The following ZNF253 variants were observed in gnomAD, a reference collection of about 807,000 sequenced individuals.
ZNF253 encodes the protein DNA-binding protein.
ZNF253 carries 8 observed loss-of-function variants against 11.9 expected under a neutral mutation model. The observed-to-expected ratio is 0.67, with a 90% CI of 0.40 to 1.22. ZNF253 has a LOEUF of 1.22. Ranked by LOEUF, ZNF253 falls within the 50% of genes most tolerant of loss-of-function variation. The pLI, the probability that ZNF253 is intolerant of heterozygous loss-of-function variation, is 0.01. For synonymous variants in ZNF253, 194 were observed against 194.9 expected (o/e 1.00, Z 0.04); for missense variants, 485 against 586.9 (o/e 0.83, Z 1.79).
intron 1 of ZNF253, among the ~76,000 whole-genome samples, chr19:19,870,179 C>G (rs1485658518): frequency 6.6e-6 from 1 of 151,774 alleles, no homozygotes; most frequent in Non-Finnish European, 1.5e-5. Context: ...GGTTAATTAC[C>G]TGAGGTCAGG....
intron 3 of ZNF253, among the ~76,000 whole-genome samples, chr19:19,888,076 T>C (rs1013352178): frequency 1.3e-5 from 2 of 152,126 alleles, no homozygotes; most frequent in Admixed American, 6.5e-5. Flanking sequence ...TTTATTTATT[T>C]ATTTTGAGAC....
At position 19,891,735 on chromosome 19, in the gene ZNF253, A is replaced by C. The variant is rs764394710; in HGVS notation, c.488A>C (p.Lys163Thr). The change falls in exon 4 of 4, where the codon AAG becomes ACG. Residue 163 changes from lysine (K) to threonine (T), a missense_variant. Lys to Thr is a moderately conservative substitution (Grantham distance 78, BLOSUM62 -1). Transcript: ENST00000589717. Reference protein sequence around the residue: ...FHKFSNSNTYKTRHTGINLFK... With the variant: ...FHKFSNSNTYTTRHTGINLFK... Reference sequence around the variant, plus strand: ...AAGTTTTCAAATTCAAACACATATAAGACAAGACATACTGGAATAAATCTT... The same window carrying C: ...AAGTTTTCAAATTCAAACACATATACGACAAGACATACTGGAATAAATCTT... The C allele has an allele frequency of 6.2e-7, 1 of 1,614,162 alleles. No homozygotes were observed. Among genetic ancestry groups the C allele is most frequent in the Non-Finnish European group, 8.5e-7 (1 of 1,180,012 alleles).
intron 3 of ZNF253, among the ~76,000 whole-genome samples, chr19:19,887,551 C>G (rs1373823947): frequency 6.6e-6 from 1 of 151,840 alleles, no homozygotes; most frequent in Non-Finnish European, 1.5e-5. Flanking sequence ...TATATATTGT[C>G]CTTCTTCGTC....
intron 1 of ZNF253, among the ~76,000 whole-genome samples, chr19:19,866,255 G>C (rs2145249934): frequency 6.6e-6 from 1 of 152,276 alleles, no homozygotes; most frequent in Middle Eastern, 3.4e-3. Context: ...GTCTCTCCCA[G>C]ATCATGCAAG....
intron 1 of ZNF253, among the ~76,000 whole-genome samples, chr19:19,876,681 C>T (rs887814304): frequency 3.9e-5 from 6 of 152,064 alleles, no homozygotes; most frequent in South Asian, 2.1e-4. Context: ...CAGAGAATCT[C>T]GTCTGAGAAG....
At chr19:19,871,974 G>A (rs1236415803) in intron 1 of ZNF253, among the ~76,000 whole-genome samples, 1 of 152,094 alleles carries the variant, frequency 6.6e-6, no homozygotes, top group Non-Finnish European at 1.5e-5. Flanking sequence ...GCTCAGAGTT[G>A]TGCAGCAAAG....
intron 1 of ZNF253, among the ~76,000 whole-genome samples, chr19:19,872,892 T>G (rs1299500098): frequency 6.6e-6 from 1 of 152,084 alleles, no homozygotes; most frequent in African/African-American, 2.4e-5. Context: ...GTATTCCACT[T>G]GCTGTAACAC....
At position 19,894,206 on chromosome 19, in the gene ZNF253, G is replaced by A. The variant is rs1403559911; in HGVS notation, c.*1459G>A. On this transcript the variant is annotated 3_prime_UTR_variant, in exon 4 of 4. Coordinates refer to ENST00000589717, the MANE Select transcript of ZNF253 (RefSeq NM_021047.3). The stretch of plus-strand genomic sequence containing the variant: ...ATAATTTTTTAAAAAGTGGATTTTT[G>A]AAGCACTGTAATTACATTGAAAGTA... 6.6e-6 allele frequency: 1 copy of A among 152,040 alleles called. No individual in the cohort carries two copies. The highest frequency in any genetic ancestry group is 1.5e-5 in the Non-Finnish European group (1 of 67,988). 9.4% of individuals were successfully genotyped at this position (152,040 alleles called of 1,614,324 possible). A position where few individuals can be genotyped will look rare whatever the true frequency, so the allele number is the denominator to read the frequency against.
chr19:19,867,991 A>C (rs2063118536), intron 1 of ZNF253, among the ~76,000 whole-genome samples: 1 of 149,668 alleles, frequency 6.7e-6, no homozygotes, highest in South Asian at 2.1e-4. Flanking sequence ...CCACATGTAT[A>C]TGTTCTTTTG....
At position 19,879,699 on chromosome 19, in the gene ZNF253, C is replaced by T. The variant is rs532579495; in HGVS notation, c.131-352C>T. Among the ~76,000 whole-genome samples, 4 of 152,288 alleles carry T rather than the reference C, an allele frequency of 2.6e-5. No homozygotes were observed. The East Asian group carries it at 7.7e-4, about 29-fold the overall frequency. ...TCTCTGATGCAGCAACAATTGATCA[C>T]ATGCTTTCACTTGTGAATACAATAG... is the stretch of plus-strand genomic sequence containing the variant. On this transcript the variant is annotated intron_variant, in intron 2 of 3. Transcript: ENST00000589717.
rs34794238 is a variant in ZNF253, at chr19:19,880,292, T to TTTTTG, written c.226+146_226+147insTTTTG. On this transcript the variant is annotated intron_variant, in intron 3 of 3. Coordinates refer to ENST00000589717, the MANE Select transcript of ZNF253 (RefSeq NM_021047.3). ...GCAGCTGTTTTTTTTTTTTTTTTTT[T>TTTTTG]CTCCCACAAAGGGGCATCTTCTGTC... 60 of 413,914 alleles carry TTTTTG rather than the reference T, an allele frequency of 1.4e-4. 1 individual carries two copies. Among genetic ancestry groups the TTTTTG allele is most frequent in the South Asian group, 5.6e-4 (20 of 35,586 alleles). The allele number at this position is 413,914 out of a possible 1,614,324, so 25.6% of individuals were successfully genotyped here. A position where few individuals can be genotyped will look rare whatever the true frequency, so the allele number is the denominator to read the frequency against.
In ZNF253 at chr19:19,887,712, T is replaced by C. The variant is rs2063211842; in HGVS notation, c.227-3762T>C. On this transcript the variant is annotated intron_variant, in intron 3 of 3. Transcript: ENST00000589717. ...TACTTCTGTCTTGCCACTTTCAGTC[T>C]TTGTCATTAGATCTCAGGTGACTCT... Among the ~76,000 whole-genome samples the C allele has an allele frequency of 1.3e-5, 2 of 152,204 alleles. 1 individual carries two copies. The highest frequency in any genetic ancestry group is 4.1e-4 in the South Asian group (2 of 4,830).
chr19:19,875,637 C>T (rs998052783), intron 1 of ZNF253, among the ~76,000 whole-genome samples: 2 of 152,128 alleles, frequency 1.3e-5, no homozygotes, highest in African/African-American at 2.4e-5. Context: ...CCTCGTGATC[C>T]GCCCGCCTCG....
intron 1 of ZNF253, among the ~76,000 whole-genome samples, chr19:19,866,865 C>T (rs2063113616): frequency 6.6e-6 from 1 of 152,004 alleles, no homozygotes; most frequent in Admixed American, 6.6e-5. Flanking sequence ...GGCTACTTTC[C>T]AAATAAGGAA....
intron 3 of ZNF253, among the ~76,000 whole-genome samples, chr19:19,880,700 A>T (rs1266200733): frequency 6.7e-6 from 1 of 149,926 alleles, no homozygotes; most frequent in Non-Finnish European, 1.5e-5. Context: ...GCGAGACTCC[A>T]TCTCACAAAA....
At chr19:19,890,498 T>TTGTGTGTGTGTGTG (rs35114806) in intron 3 of ZNF253, among the ~76,000 whole-genome samples, 49 of 141,044 alleles carry the variant, frequency 3.5e-4, no homozygotes, top group African/African-American at 8.7e-4. Context: ...CAATTTATAT[T>TTGTGTGTGTGTGTG]TGTGTGTGTG....
intron 1 of ZNF253, among the ~76,000 whole-genome samples, chr19:19,867,496 T>C (rs1195410752): frequency 7.1e-6 from 1 of 141,220 alleles, no homozygotes; most frequent in Non-Finnish European, 1.6e-5. Flanking sequence ...TCACGTAGCT[T>C]GATCTACACG....
In ZNF253 at chr19:19,892,600, T is replaced by G; in HGVS notation, c.1353T>G (p.Pro451=). ...THKRIHTGEK[P]YKCEECGKAF... is the part of the protein sequence containing the mutation. ...AGAGAATTCATACTGGAGAGAAACC[T>G]TACAAATGTGAAGAATGTGGCAAAG... The change falls in exon 4 of 4, where the codon CCT becomes CCG. Residue 451 remains proline (P), a synonymous_variant. Transcript: ENST00000589717. 6.2e-7 allele frequency: 1 copy of G among 1,608,276 alleles called. No individual in the cohort carries two copies. The highest frequency in any genetic ancestry group is 8.5e-7 in the Non-Finnish European group (1 of 1,177,774).
intron 3 of ZNF253, among the ~76,000 whole-genome samples, chr19:19,887,501 G>A (rs550797403): frequency 1.1e-3 from 166 of 152,006 alleles, no homozygotes; most frequent in Non-Finnish European, 2.1e-3. Flanking sequence ...GTTCCACCAT[G>A]ATGGCCGGGC....
Sources: allele counts gnomAD v4.1 joint callset (sites outside exome capture counted in the v4.1 genomes callset), GRCh38; gene constraint gnomAD v4.1.1; transcripts MANE v1.5; gene names NCBI Gene and HGNC (gene_info 2026-07-23, HGNC 2026-07-21).